Variants in PCDH9 observed in about 807,000 individuals in gnomAD.
The protein encoded by PCDH9 is protocadherin-9.
A neutral mutation model predicts 70.6 loss-of-function variants in PCDH9; 24 were observed. The observed-to-expected ratio is 0.34, with a 90% CI of 0.25 to 0.48. The LOEUF is 0.48. Among genes scored for constraint, PCDH9 ranks in the 20% least tolerant of loss-of-function variants. PCDH9 has a pLI of 0.99. For synonymous variants in PCDH9, 562 were observed against 558.5 expected, an observed-to-expected ratio of 1.01 and a Z score of -0.09; for missense variants, 1,281 against 1,503.6, an observed-to-expected ratio of 0.85 and a Z score of 2.45.
chr13:66,823,466 A>G (rs2080752347), intron 3 of PCDH9, among the ~76,000 whole-genome samples: 1 of 151,912 alleles, frequency 6.6e-6, no homozygotes, highest in Admixed American at 6.6e-5. Flanking sequence ...ACTTCAAAAT[A>G]TTGAATTTGC....
At chr13:66,693,317 AT>A (rs1423679743) in intron 3 of PCDH9, among the ~76,000 whole-genome samples, 1 of 152,092 alleles carries the variant, frequency 6.6e-6, no homozygotes, top group Non-Finnish European at 1.5e-5. Context: ...CATTTTTCAG[AT>A]TTTATGATCT....
chr13:66,663,917 A>C (rs562606829), intron 3 of PCDH9, among the ~76,000 whole-genome samples: 2 of 152,288 alleles, frequency 1.3e-5, no homozygotes, highest in Admixed American at 1.3e-4. Flanking sequence ...TGCTCATTCA[A>C]GTGAAGAGTC....
At chr13:66,791,310 T>G (rs2080159748) in intron 3 of PCDH9, among the ~76,000 whole-genome samples, 1 of 152,114 alleles carries the variant, frequency 6.6e-6, no homozygotes, top group Non-Finnish European at 1.5e-5. Flanking sequence ...CAATATATTA[T>G]AACTTGAGCA....
At chr13:66,655,908 A>G (rs1465506686) in intron 3 of PCDH9, among the ~76,000 whole-genome samples, 1 of 152,180 alleles carries the variant, frequency 6.6e-6, no homozygotes, top group Admixed American at 6.5e-5. Context: ...TATTATAAGG[A>G]TCGTTATAAA....
At chr13:66,996,603 T>A (rs547777374) in intron 2 of PCDH9, among the ~76,000 whole-genome samples, 1 of 152,312 alleles carries the variant, frequency 6.6e-6, no homozygotes, top group Admixed American at 6.5e-5. Context: ...GGAAATAGCA[T>A]CAACATTATA....
intron 3 of PCDH9, among the ~76,000 whole-genome samples, chr13:66,667,000 G>T (rs1255076251): frequency 6.6e-6 from 1 of 152,084 alleles, no homozygotes; most frequent in Non-Finnish European, 1.5e-5. Flanking sequence ...AATCTGTAAT[G>T]GTAGCCTTAG....
At chr13:67,202,343 C>T (rs1382740261) in intron 2 of PCDH9, 1 of 152,096 alleles carries the variant, frequency 6.6e-6, no homozygotes, top group Non-Finnish European at 1.5e-5. Flanking sequence ...TTATGTTTCA[C>T]ATCTGGACCA....
At chr13:67,214,972 A>T (rs866972008) in intron 2 of PCDH9, 5 of 124,374 alleles carry the variant, frequency 4.0e-5, no homozygotes, top group African/African-American at 1.1e-4. Flanking sequence ...ATATATATAT[A>T]TTCACTTAAT....
At chr13:66,762,908 A>C (rs1325432010) in intron 3 of PCDH9, among the ~76,000 whole-genome samples, 1 of 152,066 alleles carries the variant, frequency 6.6e-6, no homozygotes, top group Non-Finnish European at 1.5e-5. Context: ...GTTCATATTT[A>C]AATTCAGAAA....
intron 4 of PCDH9, among the ~76,000 whole-genome samples, chr13:66,468,558 C>T (rs1958558419): frequency 6.6e-6 from 1 of 152,124 alleles, no homozygotes; most frequent in Admixed American, 6.6e-5. Flanking sequence ...ACAATACATA[C>T]TCTTCTTGCA....
rs187845035 is a variant in PCDH9 at position 66,654,205 on chromosome 13, G to A, written c.3139-22794C>T. Among the ~76,000 whole-genome samples, 574 of 152,200 alleles carry A rather than the reference G, an allele frequency of 3.8e-3. 1 individual carries two copies. Among genetic ancestry groups the A allele is most frequent in the Non-Finnish European group, 6.0e-3 (406 of 68,004 alleles). The stretch of plus-strand genomic sequence containing the variant: ...GAAGTTATTATATTAAGTGAAATAA[G>A]CCAGGCACAGAAATACAAACTTCAA... On this transcript the variant is annotated intron_variant, in intron 3 of 4. Coordinates refer to ENST00000377865, the MANE Select transcript of PCDH9 (RefSeq NM_203487.3).
intron 2 of PCDH9, among the ~76,000 whole-genome samples, chr13:67,068,459 G>A (rs1414574409): frequency 6.6e-6 from 1 of 152,008 alleles, no homozygotes; most frequent in Non-Finnish European, 1.5e-5. Context: ...GAGAACCAAT[G>A]TTTAGTCTGT....
chr13:66,731,368 TG>T (rs1199337149), intron 3 of PCDH9, among the ~76,000 whole-genome samples: 1 of 152,184 alleles, frequency 6.6e-6, no homozygotes, highest in African/African-American at 2.4e-5. Context: ...AAAACAGAGA[TG>T]GCTTTCTATG....
At chr13:66,404,786 TC>T (rs143320545) in intron 4 of PCDH9, among the ~76,000 whole-genome samples, 2,069 of 152,160 alleles carry the variant, frequency 0.014, 27 homozygotes, top group East Asian at 0.077. Context: ...CATGCCTTTT[TC>T]CCCCCTTTCT....
chr13:66,615,827 T>C (rs1327359192), intron 4 of PCDH9, among the ~76,000 whole-genome samples: 1 of 152,242 alleles, frequency 6.6e-6, no homozygotes, highest in African/African-American at 2.4e-5. Flanking sequence ...GGCATACTCC[T>C]ATGAACAAAA....
intron 4 of PCDH9, among the ~76,000 whole-genome samples, chr13:66,342,627 T>TAA (rs1006635870): frequency 4.6e-5 from 7 of 151,972 alleles, no homozygotes; most frequent in African/African-American, 1.4e-4. Flanking sequence ...CTTTCTCTTA[T>TAA]GGTTTTTCTT....
At chr13:66,929,313 A>T (rs1317831301) in intron 2 of PCDH9, among the ~76,000 whole-genome samples, 2 of 151,050 alleles carry the variant, frequency 1.3e-5, no homozygotes, top group East Asian at 1.9e-4. Context: ...ATTTTTAATT[A>T]TTAATTTTTA....
intron 3 of PCDH9, among the ~76,000 whole-genome samples, chr13:66,779,018 T>C (rs963690911): frequency 6.6e-6 from 1 of 152,218 alleles, no homozygotes; most frequent in African/African-American, 2.4e-5. Context: ...CAAATTAAAC[T>C]ATTCCTTTCT....
chr13:66,464,770 T>A (rs1434620632), intron 4 of PCDH9, among the ~76,000 whole-genome samples: 1 of 151,922 alleles, frequency 6.6e-6, no homozygotes, highest in Non-Finnish European at 1.5e-5. Context: ...AGTACTTTTA[T>A]GAAAAGGAGA....
Sources: allele counts gnomAD v4.1 joint callset (sites outside exome capture counted in the v4.1 genomes callset), GRCh38; gene constraint gnomAD v4.1.1; transcripts MANE v1.5; gene names NCBI Gene and HGNC (gene_info 2026-07-23, HGNC 2026-07-21).